The following ZNF117 variants were observed in gnomAD, a reference collection of about 807,000 sequenced individuals.
The protein encoded by ZNF117 is Krueppel-related zinc finger protein.
Under a neutral mutation model 41.2 loss-of-function variants are expected in ZNF117, and 37 were observed. That is an observed-to-expected ratio of 0.90 (90% confidence interval 0.69 to 1.18). ZNF117 has a LOEUF of 1.18. ZNF117 is among the 50% of genes most tolerant of loss of function. The probability of loss-of-function intolerance (pLI) is 0.00; values close to 1 mark genes in which losing one functional copy is unlikely to be tolerated. For missense variants in ZNF117, 546 were observed against 557.5 expected (o/e 0.98, Z 0.21); for synonymous variants, 186 against 186.6 (o/e 1.00, Z 0.02).
exon 1 of ZNF117, chr7:64,990,384 T>C (rs112072814): frequency 0.012 from 2,117 of 182,378 alleles, 41 homozygotes; most frequent in African/African-American, 0.047. Context: ...TTTATTTAGG[T>C]GGCCACTGGC....
upstream of ZNF117, among the ~76,000 whole-genome samples, chr7:64,982,781 A>G (rs1786059036): frequency 6.6e-6 from 1 of 152,228 alleles, no homozygotes; most frequent in African/African-American, 2.4e-5. Context: ...GATGGTTTAC[A>G]TGCACATCAG....
At chr7:64,986,346 A>G (rs752873902), upstream of ZNF117, among the ~76,000 whole-genome samples, 4 of 152,194 alleles carry the variant, frequency 2.6e-5, no homozygotes. Context: ...CAAAACTGTT[A>G]TGTAAGAGGG....
chr7:64,975,632 T>C (rs1426677076), exon 3 of ZNF117: 1 of 152,156 alleles, frequency 6.6e-6, no homozygotes, highest in African/African-American at 2.4e-5. Flanking sequence ...ATTACATCAT[T>C]CACTTTTTAA....
chr7:64,978,180 T>G (rs1562983498), exon 3 of ZNF117: 4 of 1,612,756 alleles, frequency 2.5e-6, no homozygotes, highest in Non-Finnish European at 3.4e-6. Flanking sequence ...ATGAATTATC[T>G]TATGTGTAGT....
rs745772533 is a variant in ZNF117 at position 64,979,370 on chromosome 7, A to ACT, written c.199_200dup (p.Ser67ArgfsTer8). On this transcript the variant is annotated frameshift_variant, in exon 3 of 3. Coordinates refer to ENST00000620222, the Ensembl canonical transcript of ZNF117. LOFTEE classifies it high-confidence loss of function. ...TAGTTTTCAAACATTGGTTAAGTCC[A>ACT]CTATAATCTCCTTTGTGCTGTTTAC... The ACT allele has an allele frequency of 4.2e-5, 67 of 1,605,082 alleles. No homozygotes were observed. Among genetic ancestry groups the ACT allele is most frequent in the Admixed American group, 1.2e-4 (7 of 58,642 alleles).
intron 2 of ZNF117, 94 bp downstream of exon 3, chr7:64,981,293 G>T: frequency 6.7e-7 from 1 of 1,489,500 alleles, no homozygotes; most frequent in Non-Finnish European, 9.2e-7. Flanking sequence ...TATTTCCTTT[G>T]GAACACAGCT....
At chr7:64,981,167 G>T in intron 2 of ZNF117, 1 of 561,004 alleles carries the variant, frequency 1.8e-6, no homozygotes, top group Non-Finnish European at 3.0e-6. Flanking sequence ...GGCTTTCACT[G>T]TGAAATTGAA....
In ZNF117 at chr7:64,979,302, A is replaced by G. The variant is rs952351055; in HGVS notation, c.269T>C (p.Phe90Ser). The G allele has an allele frequency of 6.3e-7, 1 of 1,589,610 alleles. No homozygotes were observed. The highest frequency in any genetic ancestry group is 8.5e-7 in the Non-Finnish European group (1 of 1,170,770). The change falls in exon 3 of 3, where the codon TTC becomes TCC. Residue 90 changes from phenylalanine (F) to serine (S), a missense_variant. Physicochemically the swap from Phe to Ser is radical, Grantham distance 155. Transcript: ENST00000620222. ...TCTATTTGAATTTGAAATTTTATGG[A>G]AAACTTCTACATATTTATTACATTG...
downstream of ZNF117, chr7:64,971,793 AT>A (rs377249532): frequency 4.3e-4 from 66 of 152,262 alleles, 1 homozygote; most frequent in South Asian, 0.013. Flanking sequence ...TGTGACTTTT[AT>A]TATTTAACCT....
chr7:64,977,452 TGAAA>T (rs1785915750), exon 3 of ZNF117: 4 of 467,578 alleles, frequency 8.6e-6, no homozygotes. Flanking sequence ...GAGCATCGAC[TGAAA>T]GTTTTGCCAC....
exon 3 of ZNF117, chr7:64,977,097 G>C (rs1220748633): frequency 1.9e-6 from 1 of 520,086 alleles, no homozygotes; most frequent in Non-Finnish European, 3.9e-6. Flanking sequence ...ATTATGTATA[G>C]CAAGGTGTGA....
Position 64,978,759 on chromosome 7 carries a change from T to G in ZNF117, c.812A>C (p.His271Pro), listed in dbSNP as rs1785956885. The G allele has an allele frequency of 6.2e-7, 1 of 1,613,248 alleles. No homozygotes were observed. The highest frequency in any genetic ancestry group is 1.7e-5 in the Admixed American group (1 of 59,876). ...ACATTTGTACAGCTTCTCTCCAGTA[T>G]GAATGTACTTATGTTCAGTAAGTTT... The change falls in exon 3 of 3, where the codon CAT becomes CCT. Residue 271 changes from histidine (H) to proline (P), a missense_variant. His to Pro is a moderately conservative substitution (Grantham distance 77, BLOSUM62 -2). Coordinates refer to ENST00000620222, the Ensembl canonical transcript of ZNF117.
chr7:64,973,255 T>G (rs1785810667), downstream of ZNF117: 1 of 152,018 alleles, frequency 6.6e-6, no homozygotes, highest in Non-Finnish European at 1.5e-5. Context: ...AAATTTCACA[T>G]TTAAAAATAA....
At position 64,989,152 on chromosome 7, in the gene ZNF117, CACACACACACATATATACACATAT is replaced by C. The variant is rs1433896081; in HGVS notation, c.-196+771_-196+794del. Among the ~76,000 whole-genome samples the C allele has an allele frequency of 1.3e-5, 2 of 150,230 alleles. 1 individual carries two copies. Among genetic ancestry groups the C allele is most frequent in the South Asian group, 4.2e-4 (2 of 4,754 alleles). On this transcript the variant is annotated intron_variant, in intron 1 of 3. Coordinates refer to the ZNF117 transcript ENST00000282869. ...GAATACCCAAGGCAATGTATACACA[CACACACACACATATATACACATAT>C]ACACACACACACACATATATATAAA...
chr7:64,975,319 T>C (rs1480666120), exon 3 of ZNF117: 4 of 151,674 alleles, frequency 2.6e-5, no homozygotes, highest in African/African-American at 7.3e-5. Flanking sequence ...TAAAATGATA[T>C]ACTACTAATT....
At chr7:64,988,002 T>C (rs1159816546) in intron 1 of ZNF117, among the ~76,000 whole-genome samples, 1 of 152,084 alleles carries the variant, frequency 6.6e-6, no homozygotes, top group Non-Finnish European at 1.5e-5. Flanking sequence ...CGAGAGAGAT[T>C]CACAACTGAA....
upstream of ZNF117, among the ~76,000 whole-genome samples, chr7:64,985,932 C>A (rs1390806953): frequency 8.2e-6 from 1 of 122,070 alleles, no homozygotes. Context: ...GCCTGGGCAA[C>A]CAGGTGAGAC....
downstream of ZNF117, chr7:64,973,536 G>A (rs1175200168): frequency 6.6e-6 from 1 of 151,908 alleles, no homozygotes; most frequent in African/African-American, 2.4e-5. Flanking sequence ...GACAATGTAT[G>A]CCTTTTATCT....
chr7:64,980,263 A>G (rs1238834447), intron 2 of ZNF117: 2 of 152,096 alleles, frequency 1.3e-5, no homozygotes, highest in Admixed American at 6.6e-5. Flanking sequence ...AGACACTGTG[A>G]CAGGTAGCTT....
Sources: gnomAD v4.1 joint callset for allele counts (sites outside exome capture counted in the v4.1 genomes callset) on GRCh38, gnomAD v4.1.1 for gene constraint, MANE v1.5 for transcripts, NCBI Gene and HGNC (gene_info 2026-07-23, HGNC 2026-07-21) for gene names.